The following HTT variants were observed in gnomAD, a reference collection of about 807,000 sequenced individuals.
HTT encodes huntington disease protein.
Under a neutral mutation model 362.3 loss-of-function variants are expected in HTT, and 104 were observed. The ratio of observed to expected loss-of-function variants is 0.29; its 90% CI spans 0.24 to 0.34. The LOEUF is 0.34. Ranked by LOEUF, HTT falls within the 10% of genes least tolerant of loss-of-function variation. The pLI is 1.00. For synonymous variants in HTT, 1,577 were observed against 1,548.7 expected (o/e 1.02, Z -0.43); for missense variants, 3,301 against 3,928.6 (o/e 0.84, Z 4.27).
At chr4:3,159,011 G>A (rs1001412695) in intron 28 of HTT, among the ~76,000 whole-genome samples, 3 of 152,080 alleles carry the variant, frequency 2.0e-5, no homozygotes, top group Non-Finnish European at 2.9e-5. Flanking sequence ...TGTCATCCCC[G>A]CGGTCAGCTC....
chr4:3,112,718 G>T (rs1169508082), intron 6 of HTT, among the ~76,000 whole-genome samples: 3 of 152,186 alleles, frequency 2.0e-5, no homozygotes, highest in Non-Finnish European at 4.4e-5. Flanking sequence ...ACCACTCTTA[G>T]GTGTGTCTTT....
At chr4:3,126,341 A>C (rs1715519127) in intron 11 of HTT, among the ~76,000 whole-genome samples, 1 of 152,172 alleles carries the variant, frequency 6.6e-6, no homozygotes, top group Non-Finnish European at 1.5e-5. Context: ...GGAGTGAGCC[A>C]CTGTGCCCGG....
At chr4:3,145,077 A>G (rs1716533923) in intron 23 of HTT, 75 bp from the exon 24 acceptor site, 2 of 1,077,588 alleles carry the variant, frequency 1.9e-6, no homozygotes, top group Non-Finnish European at 2.9e-6. Context: ...TACTTTTTAT[A>G]AAGGGTAACA....
chr4:3,105,377 G>C lies in HTT; in HGVS notation c.549G>C (p.Leu183Phe). 6.2e-7 allele frequency: 1 copy of C among 1,614,008 alleles called. No homozygotes were observed. ...EIKKNGAPRS[L>F]RAALWRFAEL... The stretch of plus-strand genomic sequence containing the variant: ...CTCAGAATGGTGCCCCTCGGAGTTT[G>C]CGTGCTGCCCTGTGGAGGTTTGCTG... The change falls in exon 5 of 67, where the codon TTG becomes TTC. Residue 183 changes from leucine to phenylalanine, a missense_variant. Physicochemically the swap from Leu to Phe is conservative, Grantham distance 22 (BLOSUM62 0). This residue lies in a region of HTT where 2,316 missense variants were observed against 2,658.5 expected (regional missense o/e 0.87). Coordinates refer to ENST00000355072, the MANE Select transcript of HTT (RefSeq NM_001388492.1).
intron 37 of HTT, among the ~76,000 whole-genome samples, chr4:3,185,607 A>G (rs192188940): frequency 7.2e-4 from 110 of 152,312 alleles, no homozygotes; most frequent in Non-Finnish European, 1.2e-3. Flanking sequence ...AGCTTGGGCT[A>G]TTTTGCATGA....
In HTT at chr4:3,212,013, G is replaced by T. The variant is rs377147282; in HGVS notation, c.6499G>T (p.Ala2167Ser). The T allele has an allele frequency of 4.3e-6, 7 of 1,614,054 alleles. No homozygotes were observed. The highest frequency in any genetic ancestry group is 1.3e-5 in the African/African-American group (1 of 74,932). Residue 2167 changes from alanine (A) to serine (S), a missense_variant, in exon 48 of 67, where the codon GCA becomes TCA. By Grantham distance (99) the Ala-to-Ser change is moderately conservative. Transcript: ENST00000355072. The stretch of plus-strand genomic sequence containing the variant: ...TGGCCAGAAGAGTGCCCTTTTTGAA[G>T]CAGCCCGTGAGGTGACTCTGGCCCG... ...SGGQKSALFE[A>S]AREVTLARVS...
chr4:3,238,675 C>G, intron 65 of HTT, 66 bp downstream of exon 65: 1 of 1,521,948 alleles, frequency 6.6e-7, no homozygotes, highest in Non-Finnish European at 8.9e-7. Flanking sequence ...TCCGACTTCC[C>G]AGCAGATTCG....
chr4:3,150,898 G>C (rs887385024), intron 26 of HTT, among the ~76,000 whole-genome samples: 2 of 152,312 alleles, frequency 1.3e-5, no homozygotes, highest in South Asian at 4.1e-4. Context: ...AATTAGCCGG[G>C]TGTGGTGGCG....
chr4:3,096,692 G>T (rs937397420), intron 2 of HTT, among the ~76,000 whole-genome samples: 2 of 152,210 alleles, frequency 1.3e-5, no homozygotes, highest in African/African-American at 4.8e-5. Context: ...TTCTAAACTT[G>T]TGGGGTGCTG....
Position 3,074,911 on chromosome 4 carries a change from A to C in HTT, c.86A>C (p.Gln29Pro), listed in dbSNP as rs1469776724. The stretch of plus-strand genomic sequence containing the variant: ...CAGCAGCAGCAGCAGCAGCAGCAGC[A>C]GCAGCAGCAGCAGCAGCAGCAGCAA... ...QQQQQQQQQQ[Q>P]QQQQQQQQQP... Residue 29 changes from glutamine (Q) to proline (P), a missense_variant, in exon 1 of 67, where the codon CAG becomes CCG. Physicochemically the swap from Gln to Pro is moderately conservative, Grantham distance 76. Coordinates refer to ENST00000355072, the MANE Select transcript of HTT (RefSeq NM_001388492.1). 1.7e-3 allele frequency: 2,504 copies of C among 1,501,544 alleles called. 16 individuals are homozygous for C. The highest frequency in any genetic ancestry group is 1.7e-3 in the South Asian group (135 of 81,746). The allele number at this position is 1,501,544 out of a possible 1,614,324, so 93.0% of individuals were successfully genotyped here. A position where few individuals can be genotyped will look rare whatever the true frequency, so the allele number is the denominator to read the frequency against.
intron 6 of HTT, among the ~76,000 whole-genome samples, chr4:3,109,175 A>G: frequency 6.6e-6 from 1 of 152,116 alleles, no homozygotes; most frequent in Non-Finnish European, 1.5e-5. Flanking sequence ...CTCACAGGCA[A>G]ACATAACTCT....
chr4:3,213,995 T>C lies in HTT; in HGVS notation c.6812T>C (p.Leu2271Pro), dbSNP rs1172727567. Residue 2271 changes from leucine to proline, a missense_variant, in exon 50 of 67, where the codon CTG (leucine) becomes CCG (proline). Around this residue, in one of 4 missense-constraint regions of HTT, gnomAD observed 220 missense variants for 218.5 expected, o/e 1.01. Transcript: ENST00000355072. ...CATTTGATCCATGAGCAGATCCCGC[T>C]GAGTCTGGATCTCCAGGCAGGGCTG... The part of the protein sequence containing the change: ...SWHLIHEQIP[L>P]SLDLQAGLDC... 1.3e-6 allele frequency: 2 copies of C among 1,598,682 alleles called. No homozygotes were observed. The highest frequency in any genetic ancestry group is 1.7e-5 in the Admixed American group (1 of 58,478).
chr4:3,234,225 G>A (rs780853443), intron 61 of HTT, among the ~76,000 whole-genome samples: 9 of 152,252 alleles, frequency 5.9e-5, no homozygotes, highest in Admixed American at 2.0e-4. Flanking sequence ...GCCGGTGGCC[G>A]TCTGGCAGGA....
intron 8 of HTT, among the ~76,000 whole-genome samples, chr4:3,118,403 G>A (rs1715133235): frequency 6.6e-6 from 1 of 152,152 alleles, no homozygotes; most frequent in Non-Finnish European, 1.5e-5. Context: ...GCACATGGTG[G>A]GGCCTGGAGA....
chr4:3,150,970 C>T (rs1365863385), intron 26 of HTT, among the ~76,000 whole-genome samples: 1 of 151,586 alleles, frequency 6.6e-6, no homozygotes, highest in Admixed American at 6.6e-5. Flanking sequence ...ACCTGGGAGG[C>T]GGAGCTTGCA....
intron 49 of HTT, 96 bp from the exon 50 acceptor site, chr4:3,213,862 C>G: frequency 8.6e-7 from 1 of 1,164,904 alleles, no homozygotes; most frequent in Admixed American, 2.7e-5. Context: ...CGCGCTGCCC[C>G]TCAGTGCTTT....
chr4:3,153,356 T>C (rs1286614223), intron 26 of HTT, among the ~76,000 whole-genome samples: 1 of 152,138 alleles, frequency 6.6e-6, no homozygotes, highest in Admixed American at 6.6e-5. Context: ...ACAAGCACTT[T>C]TCTAAGATCA....
intron 4 of HTT, among the ~76,000 whole-genome samples, chr4:3,104,809 T>C (rs1001077551): frequency 1.3e-5 from 2 of 151,782 alleles, no homozygotes; most frequent in Admixed American, 6.6e-5. Context: ...GAGATTGAGG[T>C]GGGAGGATTA....
At chr4:3,107,164 T>C (rs1426818263) in intron 5 of HTT, 121 bp from the exon 6 acceptor site, 2 of 944,196 alleles carry the variant, frequency 2.1e-6, no homozygotes, top group East Asian at 4.9e-5. Context: ...AGCTGAGTTT[T>C]CCCCATCCCA....
Sources: gnomAD v4.1 joint callset for allele counts (sites outside exome capture counted in the v4.1 genomes callset) on GRCh38, gnomAD v4.1.1 for gene constraint, gnomAD v4.1.1 regional missense constraint, MANE v1.5 for transcripts, NCBI Gene and HGNC (gene_info 2026-07-23, HGNC 2026-07-21) for gene names.